MYRIP: variants seen among roughly 807,000 people sequenced by gnomAD.
The protein encoded by MYRIP is myosin VIIA and Rab interacting protein, also known as rab effector MyRIP.
MYRIP carries 49 observed loss-of-function variants against 98.0 expected under a neutral mutation model. The ratio of observed to expected loss-of-function variants is 0.50; its 90% CI spans 0.40 to 0.63. The LOEUF is 0.63. Among genes scored for constraint, MYRIP ranks in the 30% least tolerant of loss-of-function variants. The probability of loss-of-function intolerance (pLI) is 0.00; values close to 1 mark genes in which losing one functional copy is unlikely to be tolerated. For synonymous variants in MYRIP, 404 were observed against 409.5 expected (o/e 0.99, Z 0.16); for missense variants, 1,004 against 1,058.2 (o/e 0.95, Z 0.71).
chr3:40,214,901 G>A (rs1008311588), intron 11 of MYRIP, among the ~76,000 whole-genome samples: 1 of 152,096 alleles, frequency 6.6e-6, no homozygotes, highest in African/African-American at 2.4e-5. Flanking sequence ...CTACATCAGG[G>A]GCCAAGTCTC....
chr3:40,167,025 A>C (rs1950515458), intron 6 of MYRIP, 82 bp downstream of exon 6: 1 of 1,375,488 alleles, frequency 7.3e-7, no homozygotes, highest in African/African-American at 1.4e-5. Context: ...GGTTGTCAGG[A>C]AATCAATGTC....
chr3:39,839,921 G>A (rs141307966), intron 1 of MYRIP, among the ~76,000 whole-genome samples: 1,677 of 152,258 alleles, frequency 0.011, 32 homozygotes, highest in African/African-American at 0.038. Context: ...TAAGTGCTAT[G>A]TGGTACTGAG....
chr3:40,084,239 G>A (rs1241705470), intron 3 of MYRIP, among the ~76,000 whole-genome samples: 1 of 141,392 alleles, frequency 7.1e-6, no homozygotes, highest in African/African-American at 2.6e-5. Context: ...TATGTAAAAT[G>A]TAGAAATATA....
chr3:39,865,664 C>CA (rs1942599293), intron 1 of MYRIP, among the ~76,000 whole-genome samples: 1 of 152,056 alleles, frequency 6.6e-6, no homozygotes, highest in East Asian at 1.9e-4. Flanking sequence ...TTAAAAATGT[C>CA]AAAAAATAAT....
intron 16 of MYRIP, among the ~76,000 whole-genome samples, chr3:40,252,874 G>A (rs180728372): frequency 6.6e-6 from 1 of 152,264 alleles, no homozygotes; most frequent in Admixed American, 6.5e-5. Context: ...CCTTCCTACA[G>A]AGAGTAAAAA....
intron 1 of MYRIP, among the ~76,000 whole-genome samples, chr3:39,840,613 C>T (rs902276718): frequency 6.6e-6 from 1 of 152,138 alleles, no homozygotes; most frequent in Non-Finnish European, 1.5e-5. Context: ...TTTTTCCTTT[C>T]CATATTTAGT....
chr3:39,930,838 T>G (rs562833068), intron 2 of MYRIP, among the ~76,000 whole-genome samples: 9 of 152,234 alleles, frequency 5.9e-5, no homozygotes, highest in African/African-American at 1.7e-4. Flanking sequence ...CACTATAAAT[T>G]TAATGGCTTA....
intron 1 of MYRIP, among the ~76,000 whole-genome samples, chr3:39,898,114 C>A (rs955519032): frequency 3.3e-5 from 5 of 152,096 alleles, no homozygotes; most frequent in Non-Finnish European, 7.4e-5. Flanking sequence ...TCTTCCCTTG[C>A]CTTTGCAGTC....
intron 1 of MYRIP, among the ~76,000 whole-genome samples, chr3:39,810,171 G>A (rs72866556): frequency 6.6e-6 from 1 of 152,346 alleles, no homozygotes; most frequent in African/African-American, 2.4e-5. Flanking sequence ...CTCGCTGCTG[G>A]GGTGGGAGCT....
chr3:39,935,174 C>A (rs1181334425), intron 2 of MYRIP, among the ~76,000 whole-genome samples: 2 of 152,118 alleles, frequency 1.3e-5, no homozygotes, highest in African/African-American at 4.8e-5. Flanking sequence ...GTTTAAGATT[C>A]TTTACATGTG....
intron 3 of MYRIP, among the ~76,000 whole-genome samples, chr3:40,140,812 C>T (rs1949876761): frequency 6.6e-6 from 1 of 151,844 alleles, no homozygotes; most frequent in Admixed American, 6.6e-5. Flanking sequence ...TTATGGAGTA[C>T]ATGAGATATT....
chr3:39,848,765 T>C lies in MYRIP; in HGVS notation c.-31+38849T>C, dbSNP rs150686119. Among the ~76,000 whole-genome samples the C allele has an allele frequency of 2.7e-3, 408 of 152,356 alleles. 3 individuals carry two copies. Among genetic ancestry groups the C allele is most frequent in the African/African-American group, 9.3e-3 (388 of 41,588 alleles). On this transcript the variant is annotated intron_variant, in intron 1 of 16. Transcript: ENST00000302541. ...ATTAATAGATACTTTTCCTTATTTT[T>C]GAAGGCAAATGCACAAAACTTGGAA... is the stretch of plus-strand genomic sequence containing the variant.
In MYRIP at chr3:39,992,926, C is replaced by A. The variant is rs562432946; in HGVS notation, c.111-51124C>A. 3.3e-4 allele frequency among the ~76,000 whole-genome samples: 50 copies of A among 152,300 alleles called. 1 individual carries two copies. The highest frequency in any genetic ancestry group is 1.2e-3 in the African/African-American group (48 of 41,568). The stretch of plus-strand genomic sequence containing the variant: ...TTCACTTTTTCATTGTCAGGGACCC[C>A]TTCTTGTTCTGTCTTCTTTCTTACT... On this transcript the variant is annotated intron_variant, in intron 2 of 16. Coordinates refer to ENST00000302541, the MANE Select transcript of MYRIP (RefSeq NM_015460.4).
chr3:40,073,955 AGTT>A (rs1265612113), intron 3 of MYRIP, among the ~76,000 whole-genome samples: 1 of 152,238 alleles, frequency 6.6e-6, no homozygotes, highest in African/African-American at 2.4e-5. Context: ...CAATCACTGT[AGTT>A]GATAGAAATC....
intron 4 of MYRIP, among the ~76,000 whole-genome samples, chr3:40,155,489 T>C (rs1325065189): frequency 6.6e-6 from 1 of 152,182 alleles, no homozygotes; most frequent in Non-Finnish European, 1.5e-5. Flanking sequence ...TGATTTATAG[T>C]CCATTGGGTA....
intron 3 of MYRIP, among the ~76,000 whole-genome samples, chr3:40,085,361 A>G (rs1462909643): frequency 6.6e-6 from 1 of 152,150 alleles, no homozygotes; most frequent in African/African-American, 2.4e-5. Context: ...ATCTTGGCCC[A>G]CTGCAACCTC....
At chr3:40,137,083 A>G (rs559744537) in intron 3 of MYRIP, among the ~76,000 whole-genome samples, 2 of 152,306 alleles carry the variant, frequency 1.3e-5, no homozygotes, top group East Asian at 1.9e-4. Context: ...CAAAAAATCA[A>G]TGAATCCAGT....
intron 2 of MYRIP, among the ~76,000 whole-genome samples, chr3:39,966,853 A>G (rs528075079): frequency 1.4e-4 from 22 of 152,290 alleles, no homozygotes; most frequent in African/African-American, 5.1e-4. Context: ...AACCCACCAC[A>G]TATCAGAGGG....
At chr3:40,223,051 A>C (rs1258541380) in intron 11 of MYRIP, among the ~76,000 whole-genome samples, 5 of 152,180 alleles carry the variant, frequency 3.3e-5, no homozygotes, top group Non-Finnish European at 7.3e-5. Flanking sequence ...CTCCATCCAT[A>C]ATAAGAGCAA....
Sources: allele counts gnomAD v4.1 joint callset (sites outside exome capture counted in the v4.1 genomes callset), GRCh38; gene constraint gnomAD v4.1.1; transcripts MANE v1.5; gene names NCBI Gene and HGNC (gene_info 2026-07-23, HGNC 2026-07-21).